TEX9: variants seen among roughly 807,000 people sequenced by gnomAD.
The protein encoded by TEX9 is testis-expressed protein 9.
In TEX9, 74 loss-of-function variants were observed where a neutral mutation model predicts 59.6. The observed-to-expected ratio is 1.24, with a 90% CI of 1.03 to 1.51. The LOEUF is 1.51. Among genes scored for constraint, TEX9 ranks in the 40% most tolerant of loss-of-function variants. The pLI is 0.00. For synonymous variants in TEX9, 186 were observed against 152.2 expected (o/e 1.22, Z -1.64); for missense variants, 522 against 447.8 (o/e 1.17, Z -1.49).
chr15:56,359,470 T>G (rs1011085992), intron 1 of TEX9, among the ~76,000 whole-genome samples: 1 of 152,196 alleles, frequency 6.6e-6, no homozygotes. Flanking sequence ...TTTGTCCTTT[T>G]GTGTCTGGCT....
At chr15:56,295,745 C>T (rs1015913401) in intron 1 of TEX9, among the ~76,000 whole-genome samples, 1 of 152,206 alleles carries the variant, frequency 6.6e-6, no homozygotes, top group Non-Finnish European at 1.5e-5. Context: ...CCACAGTCTT[C>T]TGCTCATTCC....
chr15:56,371,995 G>C (rs1290424641), intron 2 of TEX9, among the ~76,000 whole-genome samples: 3 of 152,106 alleles, frequency 2.0e-5, no homozygotes, highest in Admixed American at 2.0e-4. Context: ...CTCTCACTTT[G>C]AATTGCTGCT....
upstream of TEX9, among the ~76,000 whole-genome samples, chr15:56,362,929 T>C (rs151064629): frequency 4.9e-3 from 740 of 152,318 alleles, 8 homozygotes; most frequent in African/African-American, 0.016. Flanking sequence ...ATGTACTTCA[T>C]TCTTTCTCAT....
At chr15:56,449,073 A>G (rs1452292806), downstream of TEX9, among the ~76,000 whole-genome samples, 3 of 152,066 alleles carry the variant, frequency 2.0e-5, no homozygotes, top group African/African-American at 4.8e-5. Flanking sequence ...ATGCTTTTGG[A>G]TGTTCTACAC....
At chr15:56,244,610 C>T (rs1408810610) in intron 1 of TEX9, among the ~76,000 whole-genome samples, 3 of 144,764 alleles carry the variant, frequency 2.1e-5, no homozygotes, top group Non-Finnish European at 4.5e-5. Flanking sequence ...CAGGAATGCC[C>T]TCCCTCCTTT....
At chr15:56,358,968 T>C (rs1449024949) in intron 1 of TEX9, among the ~76,000 whole-genome samples, 6 of 152,138 alleles carry the variant, frequency 3.9e-5, no homozygotes, top group African/African-American at 1.4e-4. Flanking sequence ...TCCCCAGCCA[T>C]GCAGAACTTT....
At chr15:56,283,049 G>GGT (rs3985761) in intron 1 of TEX9, among the ~76,000 whole-genome samples, 11,857 of 148,224 alleles carry the variant, frequency 0.08, 843 homozygotes, top group East Asian at 0.33. Context: ...TACATTGTGT[G>GGT]GTGTGTGTGT....
chr15:56,348,936 T>TC (rs1456576103), intron 1 of TEX9, among the ~76,000 whole-genome samples: 1 of 151,602 alleles, frequency 6.6e-6, no homozygotes, highest in Non-Finnish European at 1.5e-5. Context: ...TTTCTCTTTT[T>TC]TTTCTGGTTC....
At chr15:56,303,966 A>G (rs1596075720) in intron 1 of TEX9, among the ~76,000 whole-genome samples, 1 of 152,206 alleles carries the variant, frequency 6.6e-6, no homozygotes, top group Non-Finnish European at 1.5e-5. Context: ...CAAAACATGA[A>G]CGGACTAATA....
At chr15:56,325,599 C>G (rs2046003981) in intron 1 of TEX9, among the ~76,000 whole-genome samples, 1 of 152,128 alleles carries the variant, frequency 6.6e-6, no homozygotes, top group African/African-American at 2.4e-5. Flanking sequence ...TTGGCTCTTC[C>G]TGTCTCTGCA....
chr15:56,372,014 A>C (rs1364200720), intron 2 of TEX9, among the ~76,000 whole-genome samples: 1 of 152,162 alleles, frequency 6.6e-6, no homozygotes, highest in African/African-American at 2.4e-5. Context: ...CTTTATTCTT[A>C]GTACCAGGGC....
chr15:56,373,272 T>C (rs1339927208), intron 2 of TEX9, among the ~76,000 whole-genome samples, 169 bp from the exon 3 acceptor site: 1 of 152,192 alleles, frequency 6.6e-6, no homozygotes, highest in African/African-American at 2.4e-5. Flanking sequence ...GGAGGAATCA[T>C]GGGGAGTTGA....
At chr15:56,460,009 A>AAAAAAAT in the TEX9 span, among the ~76,000 whole-genome samples, 44 of 26,382 alleles carry the variant, frequency 1.7e-3, 6 homozygotes, top group African/African-American at 3.3e-3. Flanking sequence ...AAAAAAAAAA[A>AAAAAAAT]ATACATATAT....
At chr15:56,280,278 C>G (rs866581737) in intron 1 of TEX9, among the ~76,000 whole-genome samples, 7 of 152,192 alleles carry the variant, frequency 4.6e-5, no homozygotes. Flanking sequence ...CACCCCCAGC[C>G]ATGATCGCTG....
intron 9 of TEX9, among the ~76,000 whole-genome samples, chr15:56,407,337 G>A (rs2049128560): frequency 6.6e-6 from 1 of 152,014 alleles, no homozygotes; most frequent in South Asian, 2.1e-4. Context: ...GTGCACTGGA[G>A]TTTTCTTTTG....
intron 12 of TEX9, chr15:56,434,034 C>T (rs1012422959): frequency 1.1e-5 from 14 of 1,258,940 alleles, no homozygotes; most frequent in Admixed American, 7.0e-5. Context: ...AACATACTAA[C>T]ATTGTCTGGC....
chr15:56,460,010 ATACAT>A, the TEX9 span, among the ~76,000 whole-genome samples: 881 of 27,326 alleles, frequency 0.032, 142 homozygotes, highest in Non-Finnish European at 0.053. Flanking sequence ...AAAAAAAAAA[ATACAT>A]ATATATATAT....
chr15:56,429,264 A>G, intron 12 of TEX9: 1 of 973,528 alleles, frequency 1.0e-6, no homozygotes, highest in Non-Finnish European at 1.6e-6. Context: ...TAAGACTGAC[A>G]GACATAAGAT....
At chr15:56,268,266 G>A (rs143794170) in intron 1 of TEX9, among the ~76,000 whole-genome samples, 3,516 of 152,222 alleles carry the variant, frequency 0.023, 133 homozygotes, top group African/African-American at 0.079. Context: ...CATGTCATCT[G>A]CAAACAGGGA....
Sources: allele counts gnomAD v4.1 joint callset (sites outside exome capture counted in the v4.1 genomes callset), GRCh38; gene constraint gnomAD v4.1.1; transcripts MANE v1.5; gene names NCBI Gene and HGNC (gene_info 2026-07-23, HGNC 2026-07-21).